Variants in ENTREP2 observed in about 807,000 individuals in gnomAD.
ENTREP2 encodes endosomal transmembrane epsin interactor 2.
At chr15:29,647,620 A>G in the ENTREP2 span, among the ~76,000 whole-genome samples, 1 of 152,204 alleles carries the variant, frequency 6.6e-6, no homozygotes, top group Non-Finnish European at 1.5e-5. Flanking sequence ...AACAGTATAC[A>G]GGTATTTGGG....
At chr15:29,179,647 C>G in the ENTREP2 span, among the ~76,000 whole-genome samples, 1 of 149,504 alleles carries the variant, frequency 6.7e-6, no homozygotes, top group Non-Finnish European at 1.5e-5. Context: ...GTGGTGCGAT[C>G]TCAGCTCACT....
At chr15:29,574,722 T>C in the ENTREP2 span, among the ~76,000 whole-genome samples, 2 of 152,196 alleles carry the variant, frequency 1.3e-5, no homozygotes, top group Non-Finnish European at 2.9e-5. Flanking sequence ...CATGCTTGTT[T>C]CAGATTCCTG....
chr15:29,417,213 C>T, the ENTREP2 span, among the ~76,000 whole-genome samples: 1 of 152,180 alleles, frequency 6.6e-6, no homozygotes, highest in Non-Finnish European at 1.5e-5. Flanking sequence ...TACTGCAGCA[C>T]TATTCACAAT....
the ENTREP2 span, among the ~76,000 whole-genome samples, chr15:29,133,301 G>T: frequency 2.6e-5 from 4 of 152,142 alleles, no homozygotes; most frequent in South Asian, 8.3e-4. Flanking sequence ...TGCTCTCAAA[G>T]TGGGAGCAGC....
the ENTREP2 span, among the ~76,000 whole-genome samples, chr15:29,319,656 G>C: frequency 7.9e-5 from 12 of 152,332 alleles, no homozygotes; most frequent in South Asian, 2.1e-3. Context: ...TGAACAAACA[G>C]AAACTCAGCA....
At chr15:29,312,637 T>C in the ENTREP2 span, among the ~76,000 whole-genome samples, 5 of 152,192 alleles carry the variant, frequency 3.3e-5, no homozygotes, top group Admixed American at 1.3e-4. Context: ...TTATAATTGT[T>C]TTGGGGCTCC....
At chr15:29,596,600 TG>T in the ENTREP2 span, among the ~76,000 whole-genome samples, 1 of 152,224 alleles carries the variant, frequency 6.6e-6, no homozygotes, top group Non-Finnish European at 1.5e-5. Context: ...CATACATTTG[TG>T]GTACATTTAG....
chr15:29,384,093 C>T, the ENTREP2 span, among the ~76,000 whole-genome samples: 1 of 152,178 alleles, frequency 6.6e-6, no homozygotes, highest in South Asian at 2.1e-4. Context: ...CTGTACCCAA[C>T]ATTTGAACCC....
the ENTREP2 span, among the ~76,000 whole-genome samples, chr15:29,205,746 T>C: frequency 6.6e-5 from 10 of 152,342 alleles, no homozygotes; most frequent in Non-Finnish European, 1.3e-4. Context: ...AATTGGTAAA[T>C]ATTTTCACCC....
the ENTREP2 span, among the ~76,000 whole-genome samples, chr15:29,319,894 C>A: frequency 6.6e-6 from 1 of 152,012 alleles, no homozygotes; most frequent in African/African-American, 2.4e-5. Context: ...AGGGGGACAC[C>A]CTACACTTTT....
the ENTREP2 span, among the ~76,000 whole-genome samples, chr15:29,137,495 G>A: frequency 6.6e-6 from 1 of 152,162 alleles, no homozygotes; most frequent in Non-Finnish European, 1.5e-5. Flanking sequence ...TCTGATGACA[G>A]TACTCAAAGA....
At chr15:29,630,389 C>CA in the ENTREP2 span, among the ~76,000 whole-genome samples, 1 of 152,094 alleles carries the variant, frequency 6.6e-6, no homozygotes, top group South Asian at 2.1e-4. Flanking sequence ...TAGCTGCTTT[C>CA]AATTGTGTTT....
the ENTREP2 span, among the ~76,000 whole-genome samples, chr15:29,596,181 G>A: frequency 6.6e-6 from 1 of 152,146 alleles, no homozygotes; most frequent in African/African-American, 2.4e-5. Context: ...TACTTTTAAT[G>A]TAACTGTCTG....
the ENTREP2 span, among the ~76,000 whole-genome samples, chr15:29,192,592 C>T: frequency 6.6e-6 from 1 of 152,076 alleles, no homozygotes; most frequent in African/African-American, 2.4e-5. Context: ...CAGTCAGATA[C>T]CAGCTCTAGT....
the ENTREP2 span, among the ~76,000 whole-genome samples, chr15:29,232,497 A>AT: frequency 1.3e-5 from 2 of 150,420 alleles, no homozygotes; most frequent in Non-Finnish European, 3.0e-5. Context: ...GGGGGGTCTC[A>AT]TTTTTTTTAA....
At chr15:29,272,954 T>C in the ENTREP2 span, among the ~76,000 whole-genome samples, 1 of 152,058 alleles carries the variant, frequency 6.6e-6, no homozygotes, top group African/African-American at 2.4e-5. Flanking sequence ...GTGCCAAAAC[T>C]GCAAAAGGGA....
chr15:29,473,859 C>A, the ENTREP2 span, among the ~76,000 whole-genome samples: 1 of 152,156 alleles, frequency 6.6e-6, no homozygotes, highest in Non-Finnish European at 1.5e-5. Context: ...TCATTCATGA[C>A]AACGAGGACA....
chr15:29,130,950 G>A, the ENTREP2 span, among the ~76,000 whole-genome samples: 11 of 152,220 alleles, frequency 7.2e-5, no homozygotes, highest in South Asian at 2.1e-4. Flanking sequence ...GAAGGAGAGC[G>A]GGGAGAGGGC....
the ENTREP2 span, among the ~76,000 whole-genome samples, chr15:29,223,926 G>A: frequency 1.8e-4 from 27 of 152,254 alleles, no homozygotes; most frequent in African/African-American, 6.3e-4. Context: ...AAGCTTGCCC[G>A]CCCCCAGCTC....
Sources: allele counts gnomAD v4.1 joint callset (sites outside exome capture counted in the v4.1 genomes callset), GRCh38; gene constraint gnomAD v4.1.1; transcripts MANE v1.5; gene names NCBI Gene and HGNC (gene_info 2026-07-23, HGNC 2026-07-21).